Variants in SLC44A1 observed in about 807,000 individuals in gnomAD.
SLC44A1 encodes choline transporter-like protein 1.
In SLC44A1, 26 loss-of-function variants were observed where a neutral mutation model predicts 79.3. That is an observed-to-expected ratio of 0.33 (90% CI 0.24 to 0.46). The LOEUF is 0.46. Among genes scored for constraint, SLC44A1 ranks in the 20% least tolerant of loss-of-function variants. SLC44A1 has a pLI of 1.00. For synonymous variants in SLC44A1, 263 were observed against 286.2 expected (o/e 0.92, Z 0.82); for missense variants, 688 against 798.1 (o/e 0.86, Z 1.66).
At position 105,434,307 on chromosome 9, in the gene SLC44A1, C is replaced by T. The variant is rs573423650; in HGVS notation, c.1951-3974C>T. Among the ~76,000 whole-genome samples, 261 of 152,054 alleles carry T rather than the reference C, an allele frequency of 1.7e-3. 1 individual carries two copies. Among genetic ancestry groups the T allele is most frequent in the African/African-American group, 6.0e-3 (248 of 41,462 alleles). On this transcript the variant is annotated intron_variant, in intron 15 of 15. Transcript: ENST00000374724. Reference sequence around the variant, plus strand: ...AGTGAGCCGAGACTGCACCACTGCACTCCAGCCTGGGTGACAGAGCGAGAC... The same window carrying T: ...AGTGAGCCGAGACTGCACCACTGCATTCCAGCCTGGGTGACAGAGCGAGAC...
At chr9:105,414,321 C>T (rs1313009411) in intron 15 of SLC44A1, among the ~76,000 whole-genome samples, 1 of 152,136 alleles carries the variant, frequency 6.6e-6, no homozygotes, top group African/African-American at 2.4e-5. Context: ...TCCCAAAGTG[C>T]TGGGATTATA....
intron 1 of SLC44A1, among the ~76,000 whole-genome samples, chr9:105,292,664 A>G (rs1187586852): frequency 6.6e-6 from 1 of 152,208 alleles, no homozygotes; most frequent in African/African-American, 2.4e-5. Context: ...TTATGAGGTA[A>G]TTTCAACAGT....
chr9:105,253,842 A>G (rs934969041), intron 1 of SLC44A1, among the ~76,000 whole-genome samples: 1 of 152,112 alleles, frequency 6.6e-6, no homozygotes, highest in African/African-American at 2.4e-5. Flanking sequence ...CTCCTGCCTC[A>G]GCCTCCAAGT....
At chr9:105,245,560 C>G (rs919720306) in intron 1 of SLC44A1, among the ~76,000 whole-genome samples, 1 of 152,248 alleles carries the variant, frequency 6.6e-6, no homozygotes, top group Admixed American at 6.5e-5. Context: ...GCGGCCTCCC[C>G]GCACTCGGAG....
intron 3 of SLC44A1, among the ~76,000 whole-genome samples, chr9:105,321,631 C>G (rs1826395587): frequency 6.6e-6 from 1 of 152,030 alleles, no homozygotes; most frequent in Admixed American, 6.6e-5. Flanking sequence ...GGAGATTCAA[C>G]AAAAACGTAT....
chr9:105,310,207 C>T (rs949931244), intron 3 of SLC44A1, among the ~76,000 whole-genome samples: 10 of 151,856 alleles, frequency 6.6e-5, no homozygotes, highest in African/African-American at 2.2e-4. Flanking sequence ...ACATATTTTC[C>T]TCTAAGATTA....
At chr9:105,351,554 A>AAGAAAGAG (rs1827410740) in intron 5 of SLC44A1, among the ~76,000 whole-genome samples, 1 of 117,106 alleles carries the variant, frequency 8.5e-6, no homozygotes, top group Non-Finnish European at 1.7e-5. Flanking sequence ...GAAAGAAAGA[A>AAGAAAGAG]AGAGAGAAAG....
intron 15 of SLC44A1, among the ~76,000 whole-genome samples, chr9:105,387,374 T>C (rs1393013793): frequency 6.6e-6 from 1 of 152,084 alleles, no homozygotes; most frequent in Non-Finnish European, 1.5e-5. Flanking sequence ...CTAGACATGA[T>C]TGCTTGGGCA....
At chr9:105,350,856 CA>C (rs1297961245) in intron 5 of SLC44A1, among the ~76,000 whole-genome samples, 1 of 152,156 alleles carries the variant, frequency 6.6e-6, no homozygotes, top group Non-Finnish European at 1.5e-5. Flanking sequence ...CTTGGGTATC[CA>C]GGGGCCTTCT....
At chr9:105,350,870 A>C (rs1292399246) in intron 5 of SLC44A1, among the ~76,000 whole-genome samples, 1 of 152,236 alleles carries the variant, frequency 6.6e-6, no homozygotes, top group Non-Finnish European at 1.5e-5. Flanking sequence ...GGCCTTCTAC[A>C]GCTAAAAGCA....
intron 15 of SLC44A1, among the ~76,000 whole-genome samples, chr9:105,417,321 A>G (rs1214559758): frequency 6.6e-6 from 1 of 152,232 alleles, no homozygotes; most frequent in East Asian, 1.9e-4. Flanking sequence ...CAACAGGGTA[A>G]GATGCTCACT....
rs75323449 is a variant in SLC44A1 at position 105,390,588 on chromosome 9, G to A, written c.*1532G>A. ...TGTCACTAGGGCTTAATAAGCAGCC[G>A]TTTGCTAATGTGCTTCCTTTCAAAG... On this transcript the variant is annotated 3_prime_UTR_variant, in exon 16 of 16. Transcript: ENST00000374720. 4.0e-3 allele frequency: 3,970 copies of A among 985,780 alleles called. 128 individuals are homozygous for A. In the African/African-American group the frequency reaches 0.065, roughly 16 times the overall value. 61.1% of individuals were successfully genotyped at this position (985,780 alleles called of 1,614,324 possible).
chr9:105,390,713 T>G lies in SLC44A1; in HGVS notation c.*1657T>G, dbSNP rs1224179831. 1 of 985,568 alleles carries G rather than the reference T, an allele frequency of 1.0e-6. No homozygotes were observed. Among genetic ancestry groups the G allele is most frequent in the African/African-American group, 1.7e-5 (1 of 57,240 alleles). The allele number at this position is 985,568 out of a possible 1,614,324, so 61.1% of individuals were successfully genotyped here. A position where few individuals can be genotyped will look rare whatever the true frequency, so the allele number is the denominator to read the frequency against. ...GCTAAAATTTGCTAAATGCCTTGGT[T>G]TCTTTTAAAAGTTCATGTAATATTT... On this transcript the variant is annotated 3_prime_UTR_variant, in exon 16 of 16. Transcript: ENST00000374720.
chr9:105,330,567 C>A (rs916414372), intron 3 of SLC44A1, among the ~76,000 whole-genome samples: 1 of 152,178 alleles, frequency 6.6e-6, no homozygotes, highest in Non-Finnish European at 1.5e-5. Flanking sequence ...AAAGTCACTT[C>A]TTTTCTGACT....
intron 3 of SLC44A1, 98 bp downstream of exon 3, chr9:105,309,964 A>C: frequency 8.0e-7 from 1 of 1,247,816 alleles, no homozygotes; most frequent in Non-Finnish European, 1.1e-6. Context: ...TATCTTACCA[A>C]ATATTATTTT....
intron 1 of SLC44A1, among the ~76,000 whole-genome samples, chr9:105,271,847 C>T (rs1202807279): frequency 1.3e-5 from 2 of 152,138 alleles, no homozygotes; most frequent in African/African-American, 4.8e-5. Context: ...CTCCTGACCT[C>T]AGGTGATCCT....
Position 105,396,742 on chromosome 9 carries a change from GCATCCTATTT to G in SLC44A1, c.*7690_*7699del. ...TTGTCTTTTTTTTTTTTTGCCATTT[GCATCCTATTT>G]CATAGTGCCAAAATGAATTTTTGTA... On this transcript the variant is annotated 3_prime_UTR_variant, in exon 16 of 16. Transcript: ENST00000374720. 4.1e-6 allele frequency: 4 copies of G among 977,232 alleles called. No individual in the cohort carries two copies. Among genetic ancestry groups the G allele is most frequent in the Non-Finnish European group, 4.8e-6 (4 of 826,714 alleles). The allele number at this position is 977,232 out of a possible 1,614,324, so 60.5% of individuals were successfully genotyped here. A position where few individuals can be genotyped will look rare whatever the true frequency, so the allele number is the denominator to read the frequency against.
intron 3 of SLC44A1, among the ~76,000 whole-genome samples, chr9:105,332,360 T>C (rs1826778913): frequency 6.6e-6 from 1 of 152,142 alleles, no homozygotes; most frequent in Non-Finnish European, 1.5e-5. Context: ...CCTTAAGCGA[T>C]CTGCCCACCT....
chr9:105,428,947 G>A (rs919258790), intron 15 of SLC44A1, among the ~76,000 whole-genome samples: 5 of 152,234 alleles, frequency 3.3e-5, no homozygotes, highest in Non-Finnish European at 5.9e-5. Flanking sequence ...CTCGTGATCC[G>A]CCTGCCTTAG....
Sources: allele counts gnomAD v4.1 joint callset (sites outside exome capture counted in the v4.1 genomes callset), GRCh38; gene constraint gnomAD v4.1.1; transcripts MANE v1.5; gene names NCBI Gene and HGNC (gene_info 2026-07-23, HGNC 2026-07-21).